The following ADAMTSL1 variants were observed in gnomAD, a reference collection of about 807,000 sequenced individuals.
The protein encoded by ADAMTSL1 is ADAMTS like 1, also known as ADAMTS-like protein 1.
In ADAMTSL1, 126 loss-of-function variants were observed where a neutral mutation model predicts 201.8. That is an observed-to-expected ratio of 0.62 (90% CI 0.54 to 0.72). The LOEUF (loss-of-function observed/expected upper bound fraction) is 0.72, where lower values mean the gene tolerates loss of function less well. Among genes scored for constraint, ADAMTSL1 ranks in the 30% least tolerant of loss-of-function variants. ADAMTSL1 has a pLI of 0.00. For missense variants in ADAMTSL1, 2,679 were observed against 2,277.8 expected, an observed-to-expected ratio of 1.18 and a Z score of -3.59; for synonymous variants, 1,121 against 903.4, an observed-to-expected ratio of 1.24 and a Z score of -4.32.
intron 2 of ADAMTSL1, among the ~76,000 whole-genome samples, chr9:18,394,528 A>G (rs1037593046): frequency 2.0e-5 from 3 of 152,264 alleles, no homozygotes; most frequent in Non-Finnish European, 4.4e-5. Flanking sequence ...ATAGGAGAAT[A>G]AGAGAAAGAA....
In ADAMTSL1 at chr9:18,639,317, T is replaced by C. The variant is rs1322601790; in HGVS notation, c.740T>C (p.Phe247Ser). 2 of 1,613,060 alleles carry C rather than the reference T, an allele frequency of 1.2e-6. No individual in the cohort carries two copies. Among genetic ancestry groups the C allele is most frequent in the Non-Finnish European group, 1.7e-6 (2 of 1,179,346 alleles). Residue 247 changes from phenylalanine to serine, a missense_variant, in exon 7 of 29, where the codon TTC (phenylalanine) becomes TCC (serine). Phe to Ser is a radical substitution (Grantham distance 155, BLOSUM62 -2). Transcript: ENST00000380548. ...GENSLSSTGT[F>S]LVDNSSVDFQ... Reference sequence around the variant, plus strand: ...AACAGTCTCAGCTCCACAGGAACTTTCCTTGTGGACAATTCTAGTGTGGAC... The same window carrying C: ...AACAGTCTCAGCTCCACAGGAACTTCCCTTGTGGACAATTCTAGTGTGGAC...
chr9:17,979,256 C>A (rs990047552), intron 1 of ADAMTSL1, among the ~76,000 whole-genome samples: 5 of 151,970 alleles, frequency 3.3e-5, no homozygotes, highest in African/African-American at 1.2e-4. Flanking sequence ...TTATATATTA[C>A]CCTGCTCCTT....
At chr9:18,611,220 G>A (rs1050205590) in intron 4 of ADAMTSL1, among the ~76,000 whole-genome samples, 1 of 152,190 alleles carries the variant, frequency 6.6e-6, no homozygotes, top group Non-Finnish European at 1.5e-5. Flanking sequence ...GCCATGTGAA[G>A]TGAGGCCAAA....
chr9:18,791,896 A>G (rs1199905051), intron 19 of ADAMTSL1, among the ~76,000 whole-genome samples: 1 of 152,086 alleles, frequency 6.6e-6, no homozygotes, highest in Non-Finnish European at 1.5e-5. Flanking sequence ...CCTTCCTTTC[A>G]TCAGCCTTGT....
chr9:18,730,719 T>C (rs1818165171), intron 15 of ADAMTSL1, among the ~76,000 whole-genome samples: 1 of 152,236 alleles, frequency 6.6e-6, no homozygotes, highest in Non-Finnish European at 1.5e-5. Flanking sequence ...CATTACCTTC[T>C]CATGAGGCTT....
chr9:18,662,537 A>G (rs1275980813), intron 9 of ADAMTSL1, among the ~76,000 whole-genome samples: 1 of 152,218 alleles, frequency 6.6e-6, no homozygotes, highest in Non-Finnish European at 1.5e-5. Flanking sequence ...CACTGATTAT[A>G]TAGAGTCAAA....
chr9:18,717,437 A>G (rs369470012), intron 14 of ADAMTSL1, among the ~76,000 whole-genome samples: 4 of 152,210 alleles, frequency 2.6e-5, no homozygotes, highest in East Asian at 1.9e-4. Context: ...TTTAAAAACT[A>G]TATAGCTGTA....
chr9:18,316,086 C>T (rs1040254318), intron 2 of ADAMTSL1, among the ~76,000 whole-genome samples: 2 of 152,112 alleles, frequency 1.3e-5, no homozygotes, highest in Non-Finnish European at 2.9e-5. Context: ...CAAAAACCAG[C>T]AAGTTTTTAT....
chr9:18,254,575 G>A (rs1186526365), intron 2 of ADAMTSL1, among the ~76,000 whole-genome samples: 1 of 151,662 alleles, frequency 6.6e-6, no homozygotes, highest in Non-Finnish European at 1.5e-5. Context: ...ATGTTAGCCA[G>A]GATGGTCTCG....
At chr9:17,982,517 C>T (rs934334273) in intron 1 of ADAMTSL1, among the ~76,000 whole-genome samples, 3 of 152,162 alleles carry the variant, frequency 2.0e-5, no homozygotes, top group African/African-American at 7.2e-5. Flanking sequence ...GAGGCTGAGG[C>T]AGGAGAATTG....
At chr9:18,014,305 CAG>C (rs999900151) in intron 1 of ADAMTSL1, among the ~76,000 whole-genome samples, 2 of 151,918 alleles carry the variant, frequency 1.3e-5, no homozygotes, top group African/African-American at 4.8e-5. Context: ...TGTGAAAATT[CAG>C]AGGTTTCAAC....
At chr9:18,431,106 C>T (rs922082132) in intron 2 of ADAMTSL1, among the ~76,000 whole-genome samples, 10 of 152,186 alleles carry the variant, frequency 6.6e-5, no homozygotes, top group Non-Finnish European at 1.0e-4. Flanking sequence ...ACACTACACA[C>T]ATGCCACACC....
intron 2 of ADAMTSL1, among the ~76,000 whole-genome samples, chr9:18,171,563 T>A (rs1401792494): frequency 6.6e-6 from 1 of 152,124 alleles, no homozygotes; most frequent in Non-Finnish European, 1.5e-5. Context: ...GAAGAACTCC[T>A]AGATTTTGAA....
chr9:18,641,394 A>G (rs981664921), intron 7 of ADAMTSL1, among the ~76,000 whole-genome samples: 1 of 152,092 alleles, frequency 6.6e-6, no homozygotes, highest in African/African-American at 2.4e-5. Flanking sequence ...AATTGTTTAA[A>G]TAGAGCAGAT....
chr9:17,955,623 C>G (rs531644724), intron 1 of ADAMTSL1, among the ~76,000 whole-genome samples: 40 of 152,178 alleles, frequency 2.6e-4, no homozygotes, highest in African/African-American at 9.4e-4. Context: ...TTTGTCCTAC[C>G]CAGGACATAA....
Position 18,250,649 on chromosome 9 carries a change from A to G in ADAMTSL1, c.207+86668A>G, listed in dbSNP as rs1831428684. ...GGGAACACCTGAATCAGTGCTGTGG[A>G]TGGCTGGGGCCCTGGGAAGTGATGC... is the stretch of plus-strand genomic sequence containing the variant. On this transcript the variant is annotated intron_variant, in intron 2 of 29. Transcript: ENST00000680146. Among the ~76,000 whole-genome samples, 3 of 152,178 alleles carry G rather than the reference A, an allele frequency of 2.0e-5. No individual in the cohort carries two copies. In the South Asian group the frequency reaches 6.2e-4, roughly 32 times the overall value.
chr9:18,420,658 C>T (rs772821506), intron 2 of ADAMTSL1, among the ~76,000 whole-genome samples: 1 of 152,058 alleles, frequency 6.6e-6, no homozygotes, highest in Non-Finnish European at 1.5e-5. Context: ...TAGCAGGGGA[C>T]CTGTTGAGCA....
chr9:18,194,904 G>T (rs987620066), intron 2 of ADAMTSL1, among the ~76,000 whole-genome samples: 1 of 152,038 alleles, frequency 6.6e-6, no homozygotes, highest in Non-Finnish European at 1.5e-5. Context: ...ACCAAGGAGT[G>T]GGTGACACAC....
chr9:18,791,105 A>G (rs1822007746), intron 19 of ADAMTSL1, among the ~76,000 whole-genome samples: 1 of 152,250 alleles, frequency 6.6e-6, no homozygotes, highest in Non-Finnish European at 1.5e-5. Context: ...CTAAATTAAT[A>G]GAGTAGACTA....
Sources: allele counts gnomAD v4.1 joint callset (sites outside exome capture counted in the v4.1 genomes callset), GRCh38; gene constraint gnomAD v4.1.1; transcripts MANE v1.5; gene names NCBI Gene and HGNC (gene_info 2026-07-23, HGNC 2026-07-21).